Variants in CRYBG1 observed in about 807,000 individuals in gnomAD.
CRYBG1 encodes the protein beta/gamma crystallin domain-containing protein 1.
CRYBG1 carries 139 observed loss-of-function variants against 189.2 expected under a neutral mutation model. The ratio of observed to expected loss-of-function variants is 0.73; its 90% confidence interval spans 0.64 to 0.85. CRYBG1 has a LOEUF of 0.85. CRYBG1 is among the 40% of genes least tolerant of loss of function. The pLI, the probability that CRYBG1 is intolerant of heterozygous loss-of-function variation, is 0.00. For missense variants in CRYBG1, 2,611 were observed against 2,675.8 expected (o/e 0.98, Z 0.53); for synonymous variants, 1,023 against 1,017.1 (o/e 1.01, Z -0.11).
rs1197520971 is a variant in CRYBG1 at position 106,360,923 on chromosome 6, G to T, written c.15G>T (p.Pro5=). ...AGGACAAGACGATGCCGCTGTCCCC[G>T]CCAGCCCAGGGCGACCCCGGGGAGC... MPLS[P]PAQGDPGEPS... is the part of the protein sequence containing the mutation. The change falls in exon 1 of 22, where the codon CCG becomes CCT. Residue 5 remains proline, a synonymous_variant. Transcript: ENST00000633556. 6 of 1,533,666 alleles carry T rather than the reference G, an allele frequency of 3.9e-6. No individual in the cohort carries two copies. The highest frequency in any genetic ancestry group is 4.4e-6 in the Non-Finnish European group (5 of 1,145,818).
chr6:106,470,591 T>A (rs1772213062), intron 2 of CRYBG1, among the ~76,000 whole-genome samples: 1 of 151,858 alleles, frequency 6.6e-6, no homozygotes, highest in South Asian at 2.1e-4. Flanking sequence ...ATTATATATA[T>A]AAATACTTCT....
At chr6:106,525,062 C>G (rs1361208012) in intron 4 of CRYBG1, 71 bp from the exon 5 acceptor site, 1 of 1,486,622 alleles carries the variant, frequency 6.7e-7, no homozygotes, top group African/African-American at 1.4e-5. Flanking sequence ...CCTACAGGAT[C>G]GTGGGTGGAA....
At chr6:106,506,739 C>T (rs1175809690) in intron 2 of CRYBG1, among the ~76,000 whole-genome samples, 1 of 152,060 alleles carries the variant, frequency 6.6e-6, no homozygotes, top group Non-Finnish European at 1.5e-5. Context: ...AGGTGTGAGC[C>T]ACTGCACCCA....
intron 1 of CRYBG1, among the ~76,000 whole-genome samples, chr6:106,415,168 G>C (rs1427412873): frequency 6.6e-6 from 1 of 152,096 alleles, no homozygotes; most frequent in Admixed American, 6.5e-5. Flanking sequence ...TGTGATTTCA[G>C]CTTCTTACTC....
intron 2 of CRYBG1, among the ~76,000 whole-genome samples, chr6:106,510,137 C>G (rs1201280177): frequency 6.6e-6 from 1 of 152,198 alleles, no homozygotes; most frequent in Non-Finnish European, 1.5e-5. Flanking sequence ...AGGACTCAAG[C>G]TAGCACCTAG....
intron 2 of CRYBG1, among the ~76,000 whole-genome samples, chr6:106,480,272 A>C (rs1772418730): frequency 6.6e-6 from 1 of 152,038 alleles, no homozygotes; most frequent in Non-Finnish European, 1.5e-5. Flanking sequence ...GCAGGCCATA[A>C]AAGTGATGCA....
At position 106,513,025 on chromosome 6, in the gene CRYBG1, C is replaced by T. The variant is rs750912079; in HGVS notation, c.1908C>T (p.Thr636=). ...NHFGVGRSTV[T]TKVTLPAKPK... is the part of the protein sequence containing the mutation. ...TCGGCGTGGGCAGGTCGACAGTGAC[C>T]ACTAAAGTGACCCTGTAAGTAGCCG... The change falls in exon 3 of 22, where the codon ACC becomes ACT. Residue 636 remains threonine, a synonymous_variant. Transcript: ENST00000633556. 1 of 1,603,428 alleles carries T rather than the reference C, an allele frequency of 6.2e-7. No homozygotes were observed.
intron 9 of CRYBG1, among the ~76,000 whole-genome samples, chr6:106,539,901 A>G (rs13193200): frequency 0.058 from 8,778 of 152,306 alleles, 345 homozygotes; most frequent in Non-Finnish European, 0.091. Flanking sequence ...GTGACAGAAA[A>G]GGGATAATTA....
intron 8 of CRYBG1, among the ~76,000 whole-genome samples, chr6:106,532,369 C>T (rs1773896932): frequency 6.6e-6 from 1 of 152,206 alleles, no homozygotes; most frequent in Non-Finnish European, 1.5e-5. Flanking sequence ...AAGAAACATG[C>T]AAGTGCGGGT....
intron 1 of CRYBG1, among the ~76,000 whole-genome samples, chr6:106,430,923 G>A (rs1016038774): frequency 3.9e-5 from 6 of 152,074 alleles, no homozygotes; most frequent in South Asian, 2.1e-4. Context: ...GTGCAGTGGC[G>A]TGATCTCGGC....
chr6:106,473,793 T>G (rs1772283644), intron 2 of CRYBG1, among the ~76,000 whole-genome samples: 1 of 152,248 alleles, frequency 6.6e-6, no homozygotes, highest in African/African-American at 2.4e-5. Flanking sequence ...TTTTCTTACT[T>G]CTGTGGCACA....
chr6:106,540,337 G>A (rs1438545986), intron 9 of CRYBG1, among the ~76,000 whole-genome samples: 13 of 152,172 alleles, frequency 8.5e-5, no homozygotes, highest in Admixed American at 5.9e-4. Context: ...GCTGCACTTC[G>A]CAGTTGTCTT....
chr6:106,465,847 A>G (rs1486344976), intron 2 of CRYBG1, among the ~76,000 whole-genome samples: 1 of 151,912 alleles, frequency 6.6e-6, no homozygotes, highest in Non-Finnish European at 1.5e-5. Flanking sequence ...TCTTGTAATT[A>G]CTCTTTAAAC....
At chr6:106,483,356 TTGTGTGTG>T (rs367865745) in intron 2 of CRYBG1, among the ~76,000 whole-genome samples, 3 of 132,116 alleles carry the variant, frequency 2.3e-5, no homozygotes, top group Admixed American at 8.7e-5. Flanking sequence ...TAGTATTCCA[TTGTGTGTG>T]TGTGTGTGTG....
At chr6:106,513,476 G>T (rs906050949) in intron 3 of CRYBG1, among the ~76,000 whole-genome samples, 6 of 152,246 alleles carry the variant, frequency 3.9e-5, no homozygotes, top group African/African-American at 1.4e-4. Context: ...GCTTTGACAT[G>T]TGTGAGTTTT....
chr6:106,492,814 C>T (rs62420852), intron 2 of CRYBG1, among the ~76,000 whole-genome samples: 26 of 152,142 alleles, frequency 1.7e-4, no homozygotes, highest in Non-Finnish European at 3.1e-4. Flanking sequence ...CCTTTAATCC[C>T]TGAATCTGCA....
At chr6:106,505,157 C>T (rs1023374358) in intron 2 of CRYBG1, among the ~76,000 whole-genome samples, 5 of 151,524 alleles carry the variant, frequency 3.3e-5, no homozygotes, top group African/African-American at 1.2e-4. Flanking sequence ...TGCAGTGGCA[C>T]CATCTCAGCT....
At position 106,543,707 on chromosome 6, in the gene CRYBG1, T is replaced by G. The variant is rs140587876; in HGVS notation, c.5039+110T>G. On this transcript the variant is annotated intron_variant, in intron 11 of 21. Transcript: ENST00000633556. ...ATTCCTGATTCTATAGTATGGTGAA[T>G]TTTGACAGTTATATCCACATTCTCC... The G allele has an allele frequency of 3.5e-5, 43 of 1,228,994 alleles. No individual in the cohort carries two copies. The East Asian group carries it at 9.8e-4, about 28-fold the overall frequency. 76.1% of individuals were successfully genotyped at this position (1,228,994 alleles called of 1,614,324 possible).
At chr6:106,378,603 G>T (rs925124924) in intron 1 of CRYBG1, among the ~76,000 whole-genome samples, 2 of 152,200 alleles carry the variant, frequency 1.3e-5, no homozygotes, top group African/African-American at 4.8e-5. Context: ...ATTTCCAGAG[G>T]TAGTTAGGTT....
Sources: gnomAD v4.1 joint callset for allele counts (sites outside exome capture counted in the v4.1 genomes callset) on GRCh38, gnomAD v4.1.1 for gene constraint, MANE v1.5 for transcripts, NCBI Gene and HGNC (gene_info 2026-07-23, HGNC 2026-07-21) for gene names.